Variants in SIK2 observed in about 807,000 individuals in gnomAD.
The protein encoded by SIK2 is salt inducible kinase 2, also known as serine/threonine-protein kinase SIK2.
In SIK2, 29 loss-of-function variants were observed where a neutral mutation model predicts 103.2. That is an observed-to-expected ratio of 0.28 (90% CI 0.21 to 0.38). SIK2 has a LOEUF of 0.38. SIK2 is among the 10% of genes least tolerant of loss of function. SIK2 has a pLI of 1.00. For synonymous variants in SIK2, 412 were observed against 446.1 expected (o/e 0.92, Z 0.96); for missense variants, 879 against 1,171.0 (o/e 0.75, Z 3.64).
intron 1 of SIK2, among the ~76,000 whole-genome samples, chr11:111,610,127 T>A (rs1279279725): frequency 6.6e-6 from 1 of 152,208 alleles, no homozygotes; most frequent in Admixed American, 6.5e-5. Flanking sequence ...GCAACTTTTG[T>A]ATATGTGGTT....
At chr11:111,720,140 G>A (rs1943758386) in intron 10 of SIK2, 137 bp downstream of exon 10, 2 of 881,850 alleles carry the variant, frequency 2.3e-6, no homozygotes, top group Non-Finnish European at 3.5e-6. Context: ...GATTCAGCAG[G>A]TATAGCAGAC....
intron 3 of SIK2, among the ~76,000 whole-genome samples, chr11:111,667,133 G>C (rs935101096): frequency 6.6e-6 from 1 of 151,894 alleles, no homozygotes; most frequent in Non-Finnish European, 1.5e-5. Context: ...ATTTTTAGTA[G>C]AGATGGGGTT....
chr11:111,633,306 C>T (rs998734016), intron 3 of SIK2, among the ~76,000 whole-genome samples: 7 of 152,220 alleles, frequency 4.6e-5, no homozygotes, highest in South Asian at 2.1e-4. Context: ...TATCTACACA[C>T]TGCCTTTCAC....
chr11:111,716,475 G>T (rs1365318772), intron 9 of SIK2, among the ~76,000 whole-genome samples: 2 of 152,164 alleles, frequency 1.3e-5, no homozygotes, highest in Non-Finnish European at 2.9e-5. Flanking sequence ...TACTGAGGAG[G>T]CTGAGGCAGG....
At chr11:111,625,249 G>A (rs973995523) in intron 3 of SIK2, among the ~76,000 whole-genome samples, 3 of 152,204 alleles carry the variant, frequency 2.0e-5, no homozygotes, top group Admixed American at 2.0e-4. Flanking sequence ...TGGCTGCTGT[G>A]TTGAGAATGG....
chr11:111,637,263 T>C (rs1942119948), intron 3 of SIK2, among the ~76,000 whole-genome samples: 2 of 151,994 alleles, frequency 1.3e-5, no homozygotes, highest in South Asian at 4.1e-4. Flanking sequence ...TCCCTAGTTA[T>C]TTCTTTTAAA....
At chr11:111,670,928 G>C (rs1942617871) in intron 3 of SIK2, 1 of 161,728 alleles carries the variant, frequency 6.2e-6, no homozygotes, top group Non-Finnish European at 1.4e-5. Flanking sequence ...GAAGGGGGTA[G>C]GCAGGGAGGG....
At chr11:111,619,866 A>AG (rs1941859310) in intron 2 of SIK2, among the ~76,000 whole-genome samples, 1 of 152,222 alleles carries the variant, frequency 6.6e-6, no homozygotes, top group Admixed American at 6.5e-5. Context: ...GCTACCAACC[A>AG]GGTAAACTAA....
chr11:111,684,055 T>G (rs935118605), intron 3 of SIK2, among the ~76,000 whole-genome samples: 10 of 152,230 alleles, frequency 6.6e-5, no homozygotes, highest in Admixed American at 4.6e-4. Context: ...CTAAATAGTT[T>G]GTCTCTGGAA....
intron 3 of SIK2, among the ~76,000 whole-genome samples, chr11:111,666,026 T>TAGCATG (rs1396477988): frequency 1.3e-5 from 2 of 152,186 alleles, no homozygotes; most frequent in Admixed American, 1.3e-4. Flanking sequence ...ACTACTGCAC[T>TAGCATG]AGCATGAAAT....
At chr11:111,616,102 G>A in intron 1 of SIK2, 141 bp from the exon 2 acceptor site, 2 of 598,492 alleles carry the variant, frequency 3.3e-6, no homozygotes, top group Non-Finnish European at 6.0e-6. Flanking sequence ...TTTGTTGAAT[G>A]AATGAACATT....
chr11:111,658,818 A>G (rs947788587), intron 3 of SIK2, among the ~76,000 whole-genome samples: 1 of 152,196 alleles, frequency 6.6e-6, no homozygotes, highest in Non-Finnish European at 1.5e-5. Flanking sequence ...ACAGTAACCA[A>G]ATGAAATGGG....
At chr11:111,612,501 C>G (rs1015191161) in intron 1 of SIK2, among the ~76,000 whole-genome samples, 1 of 152,150 alleles carries the variant, frequency 6.6e-6, no homozygotes. Flanking sequence ...TGGACTGTTT[C>G]TATGCCACCC....
intron 3 of SIK2, among the ~76,000 whole-genome samples, chr11:111,635,343 AAAAG>A (rs947920716): frequency 9.4e-4 from 143 of 151,494 alleles, no homozygotes; most frequent in African/African-American, 1.5e-3. Flanking sequence ...TGCTGGGGAA[AAAAG>A]AAAGAAAGAG....
At chr11:111,714,065 G>T (rs764307641) in intron 9 of SIK2, among the ~76,000 whole-genome samples, 1 of 152,212 alleles carries the variant, frequency 6.6e-6, no homozygotes, top group Non-Finnish European at 1.5e-5. Flanking sequence ...GGAAAGTCCG[G>T]TTTAACTGTC....
chr11:111,714,865 T>C (rs1159428577), intron 9 of SIK2, among the ~76,000 whole-genome samples: 5 of 152,150 alleles, frequency 3.3e-5, no homozygotes, highest in African/African-American at 9.7e-5. Flanking sequence ...GCTACTACAG[T>C]CCCACTCAGA....
Position 111,723,936 on chromosome 11 carries a change from C to G in SIK2, c.2588C>G (p.Thr863Ser). 6.2e-7 allele frequency: 1 copy of G among 1,614,104 alleles called. No homozygotes were observed. Among genetic ancestry groups the G allele is most frequent in the Non-Finnish European group, 8.5e-7 (1 of 1,179,992 alleles). The change falls in exon 15 of 15, where the codon ACT becomes AGT. Residue 863 changes from threonine (T) to serine (S), a missense_variant. Thr to Ser is a moderately conservative substitution (Grantham distance 58). Coordinates refer to ENST00000304987, the MANE Select transcript of SIK2 (RefSeq NM_015191.3). Reference protein sequence around the residue: ...SAASPAPDYPTPCQYPVDGAQ... With the variant: ...SAASPAPDYPSPCQYPVDGAQ... ...GCTTCCCCTGCGCCAGACTATCCCACTCCCTGTCAGTATCCTGTGGATGGA... is the reference window on the plus strand; with the variant it reads ...GCTTCCCCTGCGCCAGACTATCCCAGTCCCTGTCAGTATCCTGTGGATGGA...
At chr11:111,673,449 C>T (rs1435614720) in intron 3 of SIK2, among the ~76,000 whole-genome samples, 2 of 152,276 alleles carry the variant, frequency 1.3e-5, no homozygotes, top group South Asian at 4.1e-4. Flanking sequence ...GCTCTCCTGC[C>T]TTGTTAGATC....
chr11:111,719,897 G>C lies in SIK2; in HGVS notation c.1389G>C (p.Glu463Asp), dbSNP rs199596312. ...DEGLETEGEA[E>D]EDPAHAFEAF... ...GGCTGGAGACAGAAGGAGAGGCCGA[G>C]GAAGACCCCGCTCATGCCTTTGAGG... Residue 463 changes from glutamate to aspartate, a missense_variant, in exon 10 of 15, where the codon GAG (glutamate) becomes GAC (aspartate). Around this residue, in one of 7 missense-constraint regions of SIK2, gnomAD observed 222 missense variants for 258.0 expected, o/e 0.86. Coordinates refer to ENST00000304987, the MANE Select transcript of SIK2 (RefSeq NM_015191.3). The C allele has an allele frequency of 5.3e-5, 85 of 1,614,178 alleles. No individual in the cohort carries two copies. The East Asian group carries it at 1.8e-3, about 34-fold the overall frequency.
Sources: allele counts gnomAD v4.1 joint callset (sites outside exome capture counted in the v4.1 genomes callset), GRCh38; gene constraint gnomAD v4.1.1; regional missense constraint gnomAD v4.1.1; transcripts MANE v1.5; gene names NCBI Gene and HGNC (gene_info 2026-07-23, HGNC 2026-07-21).